The following TRIO variants were observed in gnomAD, a reference collection of about 807,000 sequenced individuals.
The protein encoded by TRIO is trio Rho guanine nucleotide exchange factor.
TRIO carries 58 observed loss-of-function variants against 351.9 expected under a neutral mutation model. That is an observed-to-expected ratio of 0.16 (90% confidence interval 0.13 to 0.21). TRIO has a LOEUF of 0.21. Ranked by LOEUF, TRIO falls within the 10% of genes least tolerant of loss-of-function variation. TRIO has a pLI of 1.00. For missense variants in TRIO, 3,201 were observed against 4,027.8 expected (o/e 0.79, Z 5.56); for synonymous variants, 1,758 against 1,595.7 (o/e 1.10, Z -2.42).
intron 33 of TRIO, among the ~76,000 whole-genome samples, chr5:14,412,279 T>C (rs1364588889): frequency 6.6e-6 from 1 of 152,206 alleles, no homozygotes; most frequent in Non-Finnish European, 1.5e-5. Flanking sequence ...TGAGCCACCA[T>C]GCCCGGCCAC....
chr5:14,275,980 A>G (rs1436231430), intron 2 of TRIO, among the ~76,000 whole-genome samples: 1 of 148,476 alleles, frequency 6.7e-6, no homozygotes, highest in East Asian at 1.9e-4. Flanking sequence ...ACATACATAT[A>G]TATATATACA....
intron 13 of TRIO, among the ~76,000 whole-genome samples, chr5:14,363,001 C>CTTTTTTT (rs34314596): frequency 1.5e-5 from 2 of 136,084 alleles, no homozygotes; most frequent in Non-Finnish European, 3.1e-5. Flanking sequence ...TTTCTATCTA[C>CTTTTTTT]TTTTTTTTTT....
Position 14,243,316 on chromosome 5 carries a change from TG to T in TRIO, c.158-27508del, listed in dbSNP as rs990411873. On this transcript the variant is annotated intron_variant, in intron 1 of 56. Transcript: ENST00000344204. ...TTTTGCTCGCAACTTAGACATGAAA[TG>T]TTTTTTTTTTTTAAGTTAGATTTAA... Among the ~76,000 whole-genome samples the T allele has an allele frequency of 8.6e-5, 13 of 151,780 alleles. No individual in the cohort carries two copies. The South Asian group carries it at 1.7e-3, about 19-fold the overall frequency.
At chr5:14,254,165 T>G (rs1794897945) in intron 1 of TRIO, among the ~76,000 whole-genome samples, 1 of 152,120 alleles carries the variant, frequency 6.6e-6, no homozygotes, top group African/African-American at 2.4e-5. Flanking sequence ...AGAAGCTCCT[T>G]GGAGTCCTCA....
intron 11 of TRIO, among the ~76,000 whole-genome samples, chr5:14,339,423 A>G (rs547017943): frequency 2.6e-5 from 4 of 152,256 alleles, no homozygotes; most frequent in African/African-American, 9.6e-5. Flanking sequence ...GACTTACACA[A>G]TAGGAATTTC....
intron 48 of TRIO, 22 bp downstream of exon 48, chr5:14,488,282 C>T (rs764190119): frequency 2.1e-5 from 32 of 1,528,710 alleles, no homozygotes; most frequent in Non-Finnish European, 2.5e-5. Flanking sequence ...GGGGGGCCCG[C>T]GCCCTCCCGC....
Position 14,420,224 on chromosome 5 carries a change from A to G in TRIO, c.5203+203A>G. The G allele has an allele frequency of 2.8e-6, 2 of 718,210 alleles. No individual in the cohort carries two copies. The highest frequency in any genetic ancestry group is 4.5e-6 in the Non-Finnish European group (2 of 449,214). The allele number at this position is 718,210 out of a possible 1,614,324, so 44.5% of individuals were successfully genotyped here. ...GGATTTCACCCACGACTCAGAAATAATGAGTGATCTCCTCACTTCCAGGGC... is the reference window on the plus strand; with the variant it reads ...GGATTTCACCCACGACTCAGAAATAGTGAGTGATCTCCTCACTTCCAGGGC... On this transcript the variant is annotated intron_variant, in intron 34 of 56. Transcript: ENST00000344204.
At chr5:14,179,668 C>T (rs532794304) in intron 1 of TRIO, among the ~76,000 whole-genome samples, 4 of 152,110 alleles carry the variant, frequency 2.6e-5, no homozygotes, top group African/African-American at 4.8e-5. Context: ...AGGCTGATCT[C>T]GAACTCCTGG....
chr5:14,392,322 CAT>C (rs1052150157), intron 27 of TRIO, among the ~76,000 whole-genome samples: 59 of 151,932 alleles, frequency 3.9e-4, no homozygotes, highest in African/African-American at 1.4e-3. Context: ...AGCCAACAAA[CAT>C]ATGAAAAACT....
chr5:14,193,264 GTAT>G (rs1790559394), intron 1 of TRIO, among the ~76,000 whole-genome samples: 1 of 151,970 alleles, frequency 6.6e-6, no homozygotes, highest in South Asian at 2.1e-4. Flanking sequence ...TTAAAAAGCA[GTAT>G]TATTATTTGT....
chr5:14,339,185 C>T (rs1269484230), intron 11 of TRIO, among the ~76,000 whole-genome samples: 6 of 151,688 alleles, frequency 4.0e-5, no homozygotes, highest in African/African-American at 7.3e-5. Flanking sequence ...TGCAGTGAGC[C>T]GAGATCACAC....
chr5:14,382,087 A>T (rs1324291237), intron 21 of TRIO, among the ~76,000 whole-genome samples: 3 of 152,208 alleles, frequency 2.0e-5, no homozygotes, highest in Non-Finnish European at 4.4e-5. Context: ...TCTATTGTTG[A>T]TGACAGATTT....
rs544559670 is a variant in TRIO, at chr5:14,483,944, G to C, written c.6658-1125G>C. 2.0e-5 allele frequency among the ~76,000 whole-genome samples: 3 copies of C among 151,896 alleles called. No homozygotes were observed. In the East Asian group the frequency reaches 5.8e-4, roughly 30 times the overall value. On this transcript the variant is annotated intron_variant, in intron 46 of 56. Coordinates refer to ENST00000344204, the MANE Select transcript of TRIO (RefSeq NM_007118.4). ...GAACTGTGCACCCATACGCTGAACT[G>C]CACCCATACGCTGAGCCGCACCCAT...
chr5:14,499,870 T>C (rs1757153931), intron 53 of TRIO, among the ~76,000 whole-genome samples: 1 of 151,726 alleles, frequency 6.6e-6, no homozygotes, highest in South Asian at 2.1e-4. Flanking sequence ...GCTAACACAG[T>C]GAAACCCTGT....
At chr5:14,291,339 G>T (rs781619861) in intron 5 of TRIO, 111 bp downstream of exon 5, 9 of 1,167,830 alleles carry the variant, frequency 7.7e-6, no homozygotes, top group African/African-American at 6.2e-5. Flanking sequence ...TACTCACCGT[G>T]TGTGCTCTAA....
At position 14,286,233 on chromosome 5, in the gene TRIO, C is replaced by G. The variant is rs1736435733; in HGVS notation, c.348-638C>G. Reference sequence around the variant, plus strand: ...GTACAGTTGTGGAACTAGATTAAAACCACAGAGCCTGCCAGAAGGGTGCCA... The same window carrying G: ...GTACAGTTGTGGAACTAGATTAAAAGCACAGAGCCTGCCAGAAGGGTGCCA... On this transcript the variant is annotated intron_variant, in intron 3 of 56. Transcript: ENST00000344204. The surrounding 1 kb of genome is among the most constrained non-coding windows in gnomAD (Gnocchi z 4.4). 6.6e-6 allele frequency among the ~76,000 whole-genome samples: 1 copy of G among 152,140 alleles called. No individual in the cohort carries two copies. The highest frequency in any genetic ancestry group is 2.4e-5 in the African/African-American group (1 of 41,414).
rs1262429321 is a variant in TRIO at position 14,487,541 on chromosome 5, G to A, written c.6913G>A (p.Gly2305Ser). The A allele has an allele frequency of 4.2e-5, 45 of 1,063,516 alleles. No individual in the cohort carries two copies. Among genetic ancestry groups the A allele is most frequent in the Non-Finnish European group, 5.2e-5 (45 of 871,774 alleles). 65.9% of individuals were successfully genotyped at this position (1,063,516 alleles called of 1,614,324 possible). Residue 2305 changes from glycine to serine, a missense_variant, in exon 48 of 57, where the codon GGT becomes AGT. Gly to Ser is a moderately conservative substitution (Grantham distance 56, BLOSUM62 0). This residue lies in a region of TRIO where 1,089 missense variants were observed against 954.9 expected (regional missense o/e 1.14). Coordinates refer to ENST00000344204, the MANE Select transcript of TRIO (RefSeq NM_007118.4). ...GGGGSGGSGG[G>S]GGSGGGGAPS... ...CGGCGGCAGCGGGGGCAGCGGCGGG[G>A]GTGGGGGCAGCGGCGGCGGCGGGGC...
intron 1 of TRIO, among the ~76,000 whole-genome samples, chr5:14,245,173 C>G (rs909209274): frequency 1.3e-5 from 2 of 152,174 alleles, no homozygotes; most frequent in African/African-American, 2.4e-5. Flanking sequence ...AACATCCACT[C>G]GCCGTTCTGT....
intron 20 of TRIO, among the ~76,000 whole-genome samples, chr5:14,378,506 G>A (rs753188023): frequency 4.6e-5 from 7 of 151,102 alleles, no homozygotes; most frequent in African/African-American, 7.3e-5. Flanking sequence ...TTATTTTTCC[G>A]ATTAATCAAG....
Sources: allele counts gnomAD v4.1 joint callset (sites outside exome capture counted in the v4.1 genomes callset), GRCh38; gene constraint gnomAD v4.1.1; regional missense constraint gnomAD v4.1.1; non-coding constraint Gnocchi (gnomAD v3.1); transcripts MANE v1.5; gene names NCBI Gene and HGNC (gene_info 2026-07-23, HGNC 2026-07-21).